MEX3B: variants seen among roughly 807,000 people sequenced by gnomAD.
MEX3B encodes the protein RNA-binding protein MEX3B.
Under a neutral mutation model 12.2 loss-of-function variants are expected in MEX3B, and 10 were observed. That is an observed-to-expected ratio of 0.82 (90% CI 0.51 to 1.40). MEX3B has a LOEUF of 1.40. MEX3B is among the 40% of genes most tolerant of loss of function. MEX3B has a pLI of 0.00. For missense variants in MEX3B, 839 were observed against 801.4 expected (o/e 1.05, Z -0.57); for synonymous variants, 498 against 356.3 (o/e 1.40, Z -4.48).
In MEX3B at chr15:82,041,984, G is replaced by C. The variant is rs1409699073; in HGVS notation, c.*1176C>G. On this transcript the variant is annotated 3_prime_UTR_variant, in exon 2 of 2. Coordinates refer to ENST00000329713, the MANE Select transcript of MEX3B (RefSeq NM_032246.6). ...TTTATCATAAAATAAAATATACTTT[G>C]TTTTTTAAACTTTGCTCAGTAAAGT... is the stretch of plus-strand genomic sequence containing the variant. 1 of 152,494 alleles carries C rather than the reference G, an allele frequency of 6.6e-6. No homozygotes were observed. Among genetic ancestry groups the C allele is most frequent in the African/African-American group, 2.4e-5 (1 of 41,408 alleles). 9.4% of individuals were successfully genotyped at this position (152,494 alleles called of 1,614,324 possible). A position where few individuals can be genotyped will look rare whatever the true frequency, so the allele number is the denominator to read the frequency against.
rs751508439 is a variant in MEX3B at position 82,044,357 on chromosome 15, C to G, written c.513G>C (p.Val171=). ...CTTTGGGCCCCACCACGAGCCCCACCACGCGGTAGGGTACCCGCACTTGGA... is the reference window on the plus strand; with the variant it reads ...CTTTGGGCCCCACCACGAGCCCCACGACGCGGTAGGGTACCCGCACTTGGA... The part of the protein sequence containing the change: ...TTIQVRVPYR[V]VGLVVGPKGA... The change falls in exon 2 of 2, where the codon GTG becomes GTC. Residue 171 remains valine, a synonymous_variant. Coordinates refer to ENST00000329713, the MANE Select transcript of MEX3B (RefSeq NM_032246.6). This position sits in a 1 kb window ranked among gnomAD's most constrained non-coding sequence, Gnocchi z 5.3. 4.3e-6 allele frequency: 7 copies of G among 1,611,960 alleles called. No homozygotes were observed. Among genetic ancestry groups the G allele is most frequent in the Non-Finnish European group, 2.5e-6 (3 of 1,179,812 alleles).
chr15:82,045,358 C>A, intron 1 of MEX3B, 92 bp downstream of exon 1: 1 of 1,455,176 alleles, frequency 6.9e-7, no homozygotes, highest in Non-Finnish European at 9.3e-7. Context: ...CCCCACGCCG[C>A]GGATCCCGAT....
Position 82,045,955 on chromosome 15 carries a change from C to T in MEX3B, c.-250G>A. ...TGGCGGGTGGGGTGGGGGCAGAGCT[C>T]TAGCGGTGGCCGCGCGTGCCCCCCG... On this transcript the variant is annotated 5_prime_UTR_variant, in exon 1 of 2. Transcript: ENST00000329713. 2.6e-6 allele frequency: 1 copy of T among 386,112 alleles called. No individual in the cohort carries two copies. The highest frequency in any genetic ancestry group is 4.5e-6 in the Non-Finnish European group (1 of 222,112). The allele number at this position is 386,112 out of a possible 1,614,324, so 23.9% of individuals were successfully genotyped here. A position where few individuals can be genotyped will look rare whatever the true frequency, so the allele number is the denominator to read the frequency against.
In MEX3B at chr15:82,044,927, G is replaced by C; in HGVS notation, c.257-314C>G. 1 of 576,404 alleles carries C rather than the reference G, an allele frequency of 1.7e-6. No individual in the cohort carries two copies. The highest frequency in any genetic ancestry group is 3.1e-6 in the Non-Finnish European group (1 of 323,410). The allele number at this position is 576,404 out of a possible 1,614,324, so 35.7% of individuals were successfully genotyped here. On this transcript the variant is annotated intron_variant, in intron 1 of 1. Coordinates refer to ENST00000329713, the MANE Select transcript of MEX3B (RefSeq NM_032246.6). The surrounding 1 kb of genome is among the most constrained non-coding windows in gnomAD (Gnocchi z 5.3). The stretch of plus-strand genomic sequence containing the variant: ...GGAGATGCCGCTGGGATCCAGCTGG[G>C]CGCGCCGTCAGCTCTGAAGACACGG...
In MEX3B at chr15:82,044,425, C is replaced by A. The variant is rs1350039693; in HGVS notation, c.445G>T (p.Gly149Cys). 6.2e-7 allele frequency: 1 copy of A among 1,612,290 alleles called. No homozygotes were observed. Reference protein sequence around the residue: ...ASRNKNTALNGAVPGPPNLPG... With the variant: ...ASRNKNTALNCAVPGPPNLPG... Reference sequence around the variant, plus strand: ...AGGTTGGGCGGCCCAGGCACCGCGCCGTTGAGTGCCGTGTTCTTATTCCGG... The same window carrying A: ...AGGTTGGGCGGCCCAGGCACCGCGCAGTTGAGTGCCGTGTTCTTATTCCGG... The change falls in exon 2 of 2, where the codon GGC becomes TGC. Residue 149 changes from glycine to cysteine, a missense_variant. Coordinates refer to ENST00000329713, the MANE Select transcript of MEX3B (RefSeq NM_032246.6). The surrounding 1 kb of genome is among the most constrained non-coding windows in gnomAD (Gnocchi z 5.3).
rs754365892 is a variant in MEX3B at position 82,043,972 on chromosome 15, A to G, written c.898T>C (p.Tyr300His). ...SSLGSASTDS[Y>H]FGGGTSSSAA... ...CTGCTGCTGGTCCCGCCGCCGAAAT[A>G]AGAGTCTGTGGAAGCACTGCCAAGC... Residue 300 changes from tyrosine to histidine, a missense_variant, in exon 2 of 2, where the codon TAT (tyrosine) becomes CAT (histidine). By Grantham distance (83) the Tyr-to-His change is moderately conservative. Transcript: ENST00000329713. 1.9e-6 allele frequency: 3 copies of G among 1,609,494 alleles called. No individual in the cohort carries two copies. The highest frequency in any genetic ancestry group is 2.5e-6 in the Non-Finnish European group (3 of 1,179,822).
rs919589194 is a variant in MEX3B, at chr15:82,045,815, C to T, written c.-110G>A. The T allele has an allele frequency of 2.6e-6, 3 of 1,175,876 alleles. No individual in the cohort carries two copies. The highest frequency in any genetic ancestry group is 8.5e-5 in the Admixed American group (2 of 23,488). 72.8% of individuals were successfully genotyped at this position (1,175,876 alleles called of 1,614,324 possible). A position where few individuals can be genotyped will look rare whatever the true frequency, so the allele number is the denominator to read the frequency against. ...GGTCAGGGGCGGGGAGGCCGGTCGC[C>T]TGCTGAGGGCTCCGTTGCTTCTTCC... On this transcript the variant is annotated 5_prime_UTR_variant, in exon 1 of 2. Transcript: ENST00000329713.
Position 82,045,460 on chromosome 15 carries a change from C to T in MEX3B, c.246G>A (p.Val82=). The T allele has an allele frequency of 1.9e-6, 3 of 1,611,404 alleles. No homozygotes were observed. The highest frequency in any genetic ancestry group is 1.7e-6 in the Non-Finnish European group (2 of 1,179,724). Residue 82 remains valine (V), a synonymous_variant, in exon 1 of 2, where the codon GTG becomes GTA. Coordinates refer to ENST00000329713, the MANE Select transcript of MEX3B (RefSeq NM_032246.6). ...VPSSEHVAEI[V]GRQGCKIKAL... ...CCCTCCTCGACCTACCTTGCCGCCCCACGATCTCGGCGACATGCTCAGAAC... is the reference window on the plus strand; with the variant it reads ...CCCTCCTCGACCTACCTTGCCGCCCTACGATCTCGGCGACATGCTCAGAAC...
At position 82,044,753 on chromosome 15, in the gene MEX3B, C is replaced by T. The variant is rs918595936; in HGVS notation, c.257-140G>A. 8 of 838,464 alleles carry T rather than the reference C, an allele frequency of 9.5e-6. No homozygotes were observed. Among genetic ancestry groups the T allele is most frequent in the Non-Finnish European group, 1.3e-5 (7 of 529,046 alleles). 51.9% of individuals were successfully genotyped at this position (838,464 alleles called of 1,614,324 possible). ...CAAGAGATGGGCGGAAAGGGGGCGT[C>T]TCCCTCACTGACCTCGGGCCGCGCC... is the stretch of plus-strand genomic sequence containing the variant. On this transcript the variant is annotated intron_variant, in intron 1 of 1. Transcript: ENST00000329713. The surrounding 1 kb of genome is among the most constrained non-coding windows in gnomAD (Gnocchi z 5.3).
intron 1 of MEX3B, 199 bp downstream of exon 1, chr15:82,045,251 G>A (rs1427780598): frequency 4.2e-6 from 3 of 720,826 alleles, no homozygotes; most frequent in African/African-American, 3.5e-5. Flanking sequence ...AGTGCATCCC[G>A]CCAGGGCAGC....
rs573361296 is a variant in MEX3B at position 82,044,964 on chromosome 15, G to C, written c.257-351C>G. On this transcript the variant is annotated intron_variant, in intron 1 of 1. Transcript: ENST00000329713. The surrounding 1 kb of genome is among the most constrained non-coding windows in gnomAD (Gnocchi z 5.3). ...CTCTGAAGACACGGGGAAGGGGCTC[G>C]GGGAAGGCAGCTGAAGTCGCGATGC... 3.5e-6 allele frequency: 2 copies of C among 578,522 alleles called. No homozygotes were observed. Among genetic ancestry groups the C allele is most frequent in the South Asian group, 2.1e-5 (1 of 47,946 alleles). 35.8% of individuals were successfully genotyped at this position (578,522 alleles called of 1,614,324 possible). A position where few individuals can be genotyped will look rare whatever the true frequency, so the allele number is the denominator to read the frequency against.
Position 82,043,112 on chromosome 15 carries a change from G to T in MEX3B, c.*48C>A. Reference sequence around the variant, plus strand: ...GCGCTGGGGAAAGAGGGTGGGGAGGGGTTCCCCCTTCCCCCAGCACGGTGC... The same window carrying T: ...GCGCTGGGGAAAGAGGGTGGGGAGGTGTTCCCCCTTCCCCCAGCACGGTGC... On this transcript the variant is annotated 3_prime_UTR_variant, in exon 2 of 2. Coordinates refer to ENST00000329713, the MANE Select transcript of MEX3B (RefSeq NM_032246.6). 2 of 1,432,328 alleles carry T rather than the reference G, an allele frequency of 1.4e-6. No individual in the cohort carries two copies. The highest frequency in any genetic ancestry group is 1.8e-6 in the Non-Finnish European group (2 of 1,093,612). 88.7% of individuals were successfully genotyped at this position (1,432,328 alleles called of 1,614,324 possible). A position where few individuals can be genotyped will look rare whatever the true frequency, so the allele number is the denominator to read the frequency against.
intron 1 of MEX3B, 139 bp downstream of exon 1, chr15:82,045,311 C>G (rs1372650217): frequency 9.6e-7 from 1 of 1,045,532 alleles, no homozygotes; most frequent in African/African-American, 1.6e-5. Context: ...TCTGGGGCGC[C>G]GGCCCATCGC....
chr15:82,045,660 CGCCGCT>C lies in MEX3B; in HGVS notation c.40_45del (p.Ser14_Gly15del), dbSNP rs778418609. ...CCTCCGCTGCTGCCGCCGCCGCCGC[CGCCGCT>C]GCCGTTGCGCTCCAGGTCTGCGAAC... On this transcript the variant is annotated inframe_deletion, in exon 1 of 2. Transcript: ENST00000329713. 681 of 1,561,906 alleles carry C rather than the reference CGCCGCT, an allele frequency of 4.4e-4. 2 individuals carry two copies. The highest frequency in any genetic ancestry group is 8.5e-4 in the South Asian group (73 of 86,250).
At position 82,044,177 on chromosome 15, in the gene MEX3B, G is replaced by A; in HGVS notation, c.693C>T (p.Gly231=). The stretch of plus-strand genomic sequence containing the variant: ...CGTTCTCGTCTGTGAGCTCAATGAT[G>A]CCGCCGGTACGCAGAGCAATGTGCG... ...IEAHIALRTG[G]IIELTDENDF... The change falls in exon 2 of 2, where the codon GGC becomes GGT. Residue 231 remains glycine (G), a synonymous_variant. Transcript: ENST00000329713. This position sits in a 1 kb window ranked among gnomAD's most constrained non-coding sequence, Gnocchi z 5.3. 1 of 1,613,992 alleles carries A rather than the reference G, an allele frequency of 6.2e-7. No homozygotes were observed. The highest frequency in any genetic ancestry group is 8.5e-7 in the Non-Finnish European group (1 of 1,180,028).
Position 82,044,650 on chromosome 15 carries a change from G to C in MEX3B, c.257-37C>G, listed in dbSNP as rs189552531. 449 of 1,605,084 alleles carry C rather than the reference G, an allele frequency of 2.8e-4. 4 individuals are homozygous for C. In the East Asian group the frequency reaches 8.4e-3, roughly 30 times the overall value. ...GGTGCGGAGGAGGGAGTGGGAGAGAGAGACAGACACGCCCATTATCCTGGG... is the reference window on the plus strand; with the variant it reads ...GGTGCGGAGGAGGGAGTGGGAGAGACAGACAGACACGCCCATTATCCTGGG... On this transcript the variant is annotated intron_variant, in intron 1 of 1. Transcript: ENST00000329713. The surrounding 1 kb of genome is among the most constrained non-coding windows in gnomAD (Gnocchi z 5.3).
In MEX3B at chr15:82,044,121, A is replaced by C. The variant is rs201452529; in HGVS notation, c.749T>G (p.Phe250Cys). The change falls in exon 2 of 2, where the codon TTC becomes TGC. Residue 250 changes from phenylalanine to cysteine, a missense_variant. Physicochemically the swap from Phe to Cys is radical, Grantham distance 205 (BLOSUM62 -2). Around this residue, in one of 3 missense-constraint regions of MEX3B, gnomAD observed 573 missense variants for 488.9 expected, o/e 1.17. Transcript: ENST00000329713. The surrounding 1 kb of genome is among the most constrained non-coding windows in gnomAD (Gnocchi z 5.3). ...CCCGCCGGACCCATGATGCAGATCG[A>C]AGCCCACATCGGTGCCGTTGGCGTG... is the stretch of plus-strand genomic sequence containing the variant. ...DFHANGTDVG[F>C]DLHHGSGGSG... 1.2e-6 allele frequency: 2 copies of C among 1,613,472 alleles called. No homozygotes were observed. Among genetic ancestry groups the C allele is most frequent in the East Asian group, 2.2e-5 (1 of 44,872 alleles).
chr15:82,044,449 G>T lies in MEX3B; in HGVS notation c.421C>A (p.Arg141=). The change falls in exon 2 of 2, where the codon CGG becomes AGG. Residue 141 remains arginine (R), a synonymous_variant. Transcript: ENST00000329713. The surrounding 1 kb of genome is among the most constrained non-coding windows in gnomAD (Gnocchi z 5.3). ...AEHFSMIRAS[R]NKNTALNGAV... ...CCGTTGAGTGCCGTGTTCTTATTCC[G>T]GGAGGCGCGGATCATGGAGAAGTGC... The T allele has an allele frequency of 6.2e-7, 1 of 1,613,288 alleles. No homozygotes were observed. Among genetic ancestry groups the T allele is most frequent in the African/African-American group, 1.3e-5 (1 of 75,042 alleles).
intron 1 of MEX3B, 183 bp downstream of exon 1, chr15:82,045,267 G>A (rs909434103): frequency 7.8e-6 from 6 of 768,484 alleles, no homozygotes; most frequent in Non-Finnish European, 1.1e-5. Flanking sequence ...GCAGCGGCGC[G>A]GCTCCGGGAG....
Sources: gnomAD v4.1 joint callset for allele counts on GRCh38, gnomAD v4.1.1 for gene constraint, gnomAD v4.1.1 regional missense constraint, Gnocchi (gnomAD v3.1) non-coding constraint, MANE v1.5 for transcripts, NCBI Gene and HGNC (gene_info 2026-07-23, HGNC 2026-07-21) for gene names.